Variants in PYGO2 observed in about 807,000 individuals in gnomAD.
PYGO2 encodes pygopus homolog 2.
A neutral mutation model predicts 26.7 loss-of-function variants in PYGO2; 9 were observed. The observed-to-expected ratio is 0.34, with a 90% CI of 0.20 to 0.59. The LOEUF is 0.59. Ranked by LOEUF, PYGO2 falls within the 20% of genes least tolerant of loss-of-function variation. PYGO2 has a pLI of 0.84. For synonymous variants in PYGO2, 236 were observed against 219.0 expected, an observed-to-expected ratio of 1.08 and a Z score of -0.68; for missense variants, 538 against 561.5, an observed-to-expected ratio of 0.96 and a Z score of 0.42.
At position 154,959,697 on chromosome 1, in the gene PYGO2, G is replaced by A. The variant is rs372114474; in HGVS notation, c.303C>T (p.Phe101=). 3.5e-4 allele frequency: 497 copies of A among 1,435,758 alleles called. 10 individuals are homozygous for A. The South Asian group carries it at 7.1e-3, about 21-fold the overall frequency. 88.9% of individuals were successfully genotyped at this position (1,435,758 alleles called of 1,614,324 possible). A position where few individuals can be genotyped will look rare whatever the true frequency, so the allele number is the denominator to read the frequency against. The part of the protein sequence containing the change: ...APPFLGSPVP[F]GGFRVQGGMA... ...TGCCCCCCTGCACACGGAAGCCTCC[G>A]AAGGGCACAGGACTGCCAAGGAATG... The change falls in exon 3 of 3, where the codon TTC becomes TTT. Residue 101 remains phenylalanine, a synonymous_variant. Transcript: ENST00000368457. This position sits in a 1 kb window ranked among gnomAD's most constrained non-coding sequence, Gnocchi z 4.7.
Position 154,958,722 on chromosome 1 carries a change from A to T in PYGO2, c.*57T>A. 6.9e-7 allele frequency: 1 copy of T among 1,451,810 alleles called. No homozygotes were observed. Among genetic ancestry groups the T allele is most frequent in the South Asian group, 1.2e-5 (1 of 80,858 alleles). 89.9% of individuals were successfully genotyped at this position (1,451,810 alleles called of 1,614,324 possible). ...GGACCAAGAGCCAAACATCAAAAAA[A>T]TCACCCTGGAAGAGCAGGGAGAGAC... On this transcript the variant is annotated 3_prime_UTR_variant, in exon 3 of 3. Coordinates refer to ENST00000368457, the MANE Select transcript of PYGO2 (RefSeq NM_138300.4).
Position 154,959,473 on chromosome 1 carries a change from C to T in PYGO2, c.527G>A (p.Ser176Asn). The T allele has an allele frequency of 6.7e-7, 1 of 1,501,304 alleles. No individual in the cohort carries two copies. The highest frequency in any genetic ancestry group is 1.4e-5 in the African/African-American group (1 of 71,164). 93.0% of individuals were successfully genotyped at this position (1,501,304 alleles called of 1,614,324 possible). The change falls in exon 3 of 3, where the codon AGT becomes AAT. Residue 176 changes from serine (S) to asparagine (N), a missense_variant. Coordinates refer to ENST00000368457, the MANE Select transcript of PYGO2 (RefSeq NM_138300.4). This position sits in a 1 kb window ranked among gnomAD's most constrained non-coding sequence, Gnocchi z 4.7. ...PFNQPLGQNFSPPSGQMMPGP... is the reference protein window; with the variant it reads ...PFNQPLGQNFNPPSGQMMPGP... ...CGGCATCATCTGCCCACTGGGAGGA[C>T]TAAAGTTTTGACCCAGAGGCTGGTT...
rs1424673968 is a variant in PYGO2, at chr1:154,960,984, T to C, written c.146A>G (p.Asn49Ser). The change falls in exon 2 of 3, where the codon AAT (asparagine) becomes AGT (serine). Residue 49 changes from asparagine (N) to serine (S), a missense_variant. Physicochemically the swap from Asn to Ser is conservative, Grantham distance 46. Transcript: ENST00000368457. ...CCACCAACCACCATTCACCTGAGTA[T>C]TTGACTTCCTTCGCTTCTTTTCTGG... ...KSPEKKRRKS[N>S]TQGPAYSHLT... The C allele has an allele frequency of 3.1e-6, 5 of 1,614,122 alleles. No homozygotes were observed. The highest frequency in any genetic ancestry group is 1.6e-4 in the Middle Eastern group (1 of 6,062).
At position 154,958,080 on chromosome 1, in the gene PYGO2, G is replaced by A. The variant is rs892971904; in HGVS notation, c.*699C>T. 6.5e-6 allele frequency: 1 copy of A among 152,748 alleles called. No individual in the cohort carries two copies. The highest frequency in any genetic ancestry group is 1.9e-4 in the East Asian group (1 of 5,340). The allele number at this position is 152,748 out of a possible 1,614,324, so 9.5% of individuals were successfully genotyped here. On this transcript the variant is annotated 3_prime_UTR_variant, in exon 3 of 3. Transcript: ENST00000368457. ...CGAGAGAGGCTGAGAAAGGACCAGT[G>A]ACTTTGGTATGAAGAAGATACGTCC...
intron 2 of PYGO2, among the ~76,000 whole-genome samples, chr1:154,960,455 A>C (rs1174617043): frequency 1.3e-5 from 2 of 151,908 alleles, no homozygotes; most frequent in Non-Finnish European, 2.9e-5. Context: ...AAAAAAGACA[A>C]GAAAAAGAGG....
rs1353221414 is a variant in PYGO2, at chr1:154,961,591, G to A, written c.-15C>T. 3 of 1,071,802 alleles carry A rather than the reference G, an allele frequency of 2.8e-6. No homozygotes were observed. The highest frequency in any genetic ancestry group is 3.3e-5 in the African/African-American group (2 of 59,790). 66.4% of individuals were successfully genotyped at this position (1,071,802 alleles called of 1,614,324 possible). A position where few individuals can be genotyped will look rare whatever the true frequency, so the allele number is the denominator to read the frequency against. On this transcript the variant is annotated 5_prime_UTR_variant, in exon 1 of 3. Transcript: ENST00000368457. ...GAGGCGGCCATGGAGTGGGGGACCC[G>A]GGTTAGCGGCAGCGGCGGGGGATGG...
chr1:154,960,932 C>A (rs1655339545), intron 2 of PYGO2, 45 bp downstream of exon 2: 1 of 1,587,802 alleles, frequency 6.3e-7, no homozygotes, highest in African/African-American at 1.3e-5. Context: ...CAGTGTGCCG[C>A]CAAGGGGCTG....
rs78605519 is a variant in PYGO2, at chr1:154,957,827, T to C, written c.*952A>G. 0.031 allele frequency: 4,688 copies of C among 152,758 alleles called. 94 individuals are homozygous for C. The highest frequency in any genetic ancestry group is 0.047 in the Middle Eastern group (14 of 296). 9.5% of individuals were successfully genotyped at this position (152,758 alleles called of 1,614,324 possible). On this transcript the variant is annotated 3_prime_UTR_variant, in exon 3 of 3. Transcript: ENST00000368457. The stretch of plus-strand genomic sequence containing the variant: ...CTTTTATCATGGAGGAAATGAGGTA[T>C]AGGGCTCTGCGCCTTTTCAAGCTTT...
At position 154,958,832 on chromosome 1, in the gene PYGO2, A is replaced by G. The variant is rs763335830; in HGVS notation, c.1168T>C (p.Ser390Pro). 143 of 1,613,898 alleles carry G rather than the reference A, an allele frequency of 8.9e-5. No individual in the cohort carries two copies. The highest frequency in any genetic ancestry group is 1.2e-4 in the Non-Finnish European group (138 of 1,180,054). The change falls in exon 3 of 3, where the codon TCT (serine) becomes CCT (proline). Residue 390 changes from serine (S) to proline (P), a missense_variant. Ser to Pro is a moderately conservative substitution (Grantham distance 74). Coordinates refer to ENST00000368457, the MANE Select transcript of PYGO2 (RefSeq NM_138300.4). ...CCCATGCCCTCACGGATGTAGACAGACTGGATCTCCTTGGTCTTGAGGCAG... is the reference window on the plus strand; with the variant it reads ...CCCATGCCCTCACGGATGTAGACAGGCTGGATCTCCTTGGTCTTGAGGCAG... ...DLCLKTKEIQ[S>P]VYIREGMGQL... is the part of the protein sequence containing the mutation.
At chr1:154,961,421 G>A (rs1040585454) in intron 1 of PYGO2, 53 bp downstream of exon 1, 1 of 1,203,196 alleles carries the variant, frequency 8.3e-7, no homozygotes, top group Admixed American at 2.8e-5. Flanking sequence ...CCTCCCCTCT[G>A]AGGTTCCCAA....
At position 154,957,705 on chromosome 1, in the gene PYGO2, G is replaced by C. The variant is rs1312307697; in HGVS notation, c.*1074C>G. ...GGATATGAAAGAATAGCAAAGAGAA[G>C]CAACAAACTCCAGGCTCTTCTACCT... is the stretch of plus-strand genomic sequence containing the variant. On this transcript the variant is annotated 3_prime_UTR_variant, in exon 3 of 3. Coordinates refer to ENST00000368457, the MANE Select transcript of PYGO2 (RefSeq NM_138300.4). The C allele has an allele frequency of 1.3e-5, 2 of 152,726 alleles. No individual in the cohort carries two copies. The highest frequency in any genetic ancestry group is 2.9e-5 in the Non-Finnish European group (2 of 68,066). The allele number at this position is 152,726 out of a possible 1,614,324, so 9.5% of individuals were successfully genotyped here. A position where few individuals can be genotyped will look rare whatever the true frequency, so the allele number is the denominator to read the frequency against.
Position 154,958,211 on chromosome 1 carries a change from G to C in PYGO2, c.*568C>G, listed in dbSNP as rs571516519. On this transcript the variant is annotated 3_prime_UTR_variant, in exon 3 of 3. Transcript: ENST00000368457. ...GGCTATTTGGTTCTCTGAGGGGGAA[G>C]GAGTTGGGTAAGTCTTGGAGGAAGC... is the stretch of plus-strand genomic sequence containing the variant. The C allele has an allele frequency of 6.5e-6, 1 of 152,932 alleles. No homozygotes were observed. Among genetic ancestry groups the C allele is most frequent in the Admixed American group, 6.5e-5 (1 of 15,302 alleles). 9.5% of individuals were successfully genotyped at this position (152,932 alleles called of 1,614,324 possible).
rs1338275022 is a variant in PYGO2 at position 154,959,319 on chromosome 1, G to C, written c.681C>G (p.Leu227=). The change falls in exon 3 of 3, where the codon CTC becomes CTG. Residue 227 remains leucine (L), a synonymous_variant. Transcript: ENST00000368457. This position sits in a 1 kb window ranked among gnomAD's most constrained non-coding sequence, Gnocchi z 4.7. ...TGGGGAGCCCCTGACCAGGTCTCTGGAGAGGAGAAGGGCCAAAAGGAGCCC... is the reference window on the plus strand; with the variant it reads ...TGGGGAGCCCCTGACCAGGTCTCTGCAGAGGAGAAGGGCCAAAAGGAGCCC... ...QPGAPFGPSP[L]QRPGQGLPSL... is the part of the protein sequence containing the mutation. 2 of 1,604,402 alleles carry C rather than the reference G, an allele frequency of 1.2e-6. No homozygotes were observed. The highest frequency in any genetic ancestry group is 3.4e-5 in the Admixed American group (2 of 58,142).
chr1:154,961,068 A>G (rs1292285793), intron 1 of PYGO2, 42 bp from the exon 2 acceptor site: 1 of 1,591,824 alleles, frequency 6.3e-7, no homozygotes, highest in Non-Finnish European at 8.6e-7. Flanking sequence ...AGTTTCCCTG[A>G]GGTTTCCCCA....
rs755541528 is a variant in PYGO2, at chr1:154,959,033, G to T, written c.967C>A (p.Pro323Thr). ...KAGGGSGPQP[P>T]PGLVYPCGAC... ...CCACATGGGTACACCAAGCCTGGGGGAGGCTGGGGCCCGGAGCCCCCACCT... is the reference window on the plus strand; with the variant it reads ...CCACATGGGTACACCAAGCCTGGGGTAGGCTGGGGCCCGGAGCCCCCACCT... The change falls in exon 3 of 3, where the codon CCC becomes ACC. Residue 323 changes from proline to threonine, a missense_variant. By Grantham distance (38) the Pro-to-Thr change is conservative. Around this residue, in one of 4 missense-constraint regions of PYGO2, gnomAD observed 381 missense variants for 336.6 expected, o/e 1.13. Coordinates refer to ENST00000368457, the MANE Select transcript of PYGO2 (RefSeq NM_138300.4). This position sits in a 1 kb window ranked among gnomAD's most constrained non-coding sequence, Gnocchi z 4.7. The T allele has an allele frequency of 2.3e-5, 37 of 1,613,650 alleles. 1 individual carries two copies. In the South Asian group the frequency reaches 4.0e-4, roughly 17 times the overall value.
chr1:154,960,924 G>T, intron 2 of PYGO2, 53 bp downstream of exon 2: 1 of 1,518,606 alleles, frequency 6.6e-7, no homozygotes, highest in Non-Finnish European at 9.1e-7. Context: ...AGAGTAGACA[G>T]TGTGCCGCCA....
chr1:154,960,626 C>T (rs1348881365), intron 2 of PYGO2, among the ~76,000 whole-genome samples: 1 of 152,034 alleles, frequency 6.6e-6, no homozygotes, highest in Non-Finnish European at 1.5e-5. Context: ...AGGGATAATG[C>T]CTATCTCCCC....
rs769885499 is a variant in PYGO2 at position 154,959,468 on chromosome 1, G to C, written c.532C>G (p.Pro178Ala). 9.9e-6 allele frequency: 15 copies of C among 1,507,586 alleles called. No individual in the cohort carries two copies. Among genetic ancestry groups the C allele is most frequent in the Admixed American group, 2.3e-5 (1 of 43,054 alleles). The allele number at this position is 1,507,586 out of a possible 1,614,324, so 93.4% of individuals were successfully genotyped here. ...NQPLGQNFSP[P>A]SGQMMPGPVG... ...GGGCCCGGCATCATCTGCCCACTGG[G>C]AGGACTAAAGTTTTGACCCAGAGGC... Residue 178 changes from proline to alanine, a missense_variant, in exon 3 of 3, where the codon CCC becomes GCC. Around this residue, in one of 4 missense-constraint regions of PYGO2, gnomAD observed 381 missense variants for 336.6 expected, o/e 1.13. Transcript: ENST00000368457. The surrounding 1 kb of genome is among the most constrained non-coding windows in gnomAD (Gnocchi z 4.7).
Position 154,958,820 on chromosome 1 carries a change from G to T in PYGO2, c.1180C>A (p.Arg394Ser). The T allele has an allele frequency of 1.2e-6, 2 of 1,613,918 alleles. No homozygotes were observed. Among genetic ancestry groups the T allele is most frequent in the Non-Finnish European group, 1.7e-6 (2 of 1,179,996 alleles). The change falls in exon 3 of 3, where the codon CGT becomes AGT. Residue 394 changes from arginine to serine, a missense_variant. Physicochemically the swap from Arg to Ser is moderately radical, Grantham distance 110. Coordinates refer to ENST00000368457, the MANE Select transcript of PYGO2 (RefSeq NM_138300.4). ...GCCACCAGCTGCCCCATGCCCTCAC[G>T]GATGTAGACAGACTGGATCTCCTTG... ...KTKEIQSVYI[R>S]EGMGQLVAAN...
Sources: gnomAD v4.1 joint callset for allele counts (sites outside exome capture counted in the v4.1 genomes callset) on GRCh38, gnomAD v4.1.1 for gene constraint, gnomAD v4.1.1 regional missense constraint, Gnocchi (gnomAD v3.1) non-coding constraint, MANE v1.5 for transcripts, NCBI Gene and HGNC (gene_info 2026-07-23, HGNC 2026-07-21) for gene names.